The following SLC44A5 variants were observed in gnomAD, a reference collection of about 807,000 sequenced individuals.
SLC44A5 encodes choline transporter-like protein 5.
A neutral mutation model predicts 101.8 loss-of-function variants in SLC44A5; 57 were observed. The observed-to-expected ratio is 0.56, with a 90% CI of 0.45 to 0.70. SLC44A5 has a LOEUF of 0.70. Among genes scored for constraint, SLC44A5 ranks in the 30% least tolerant of loss-of-function variants. SLC44A5 has a pLI of 0.00. For synonymous variants in SLC44A5, 281 were observed against 290.9 expected, an observed-to-expected ratio of 0.97 and a Z score of 0.35; for missense variants, 737 against 853.1, an observed-to-expected ratio of 0.86 and a Z score of 1.70.
chr1:75,556,505 G>A (rs1487105761), intron 1 of SLC44A5, among the ~76,000 whole-genome samples: 2 of 152,004 alleles, frequency 1.3e-5, no homozygotes, highest in East Asian at 3.9e-4. Flanking sequence ...TCTGAGACAG[G>A]CACTTTGTTA....
chr1:75,617,063 G>A, the SLC44A5 span, among the ~76,000 whole-genome samples: 3 of 152,174 alleles, frequency 2.0e-5, no homozygotes, highest in African/African-American at 7.2e-5. Flanking sequence ...AAGGGCAGGC[G>A]AAAGTTTAAG....
intron 2 of SLC44A5, among the ~76,000 whole-genome samples, chr1:75,523,726 C>T (rs765027163): frequency 1.6e-4 from 25 of 152,200 alleles, no homozygotes; most frequent in Admixed American, 8.5e-4. Context: ...CAGTGGTTCA[C>T]GCTTGAGGCA....
At chr1:75,720,024 C>A in the SLC44A5 span, among the ~76,000 whole-genome samples, 4 of 152,302 alleles carry the variant, frequency 2.6e-5, no homozygotes, top group East Asian at 7.7e-4. Context: ...GATTTCCCCT[C>A]TCTCTATTGT....
At chr1:75,717,993 A>G in the SLC44A5 span, among the ~76,000 whole-genome samples, 1 of 152,228 alleles carries the variant, frequency 6.6e-6, no homozygotes, top group Admixed American at 6.5e-5. Flanking sequence ...TTTTCACCAG[A>G]GGCTTTTTTA....
At chr1:75,315,776 T>C (rs1655640516) in intron 4 of SLC44A5, among the ~76,000 whole-genome samples, 1 of 152,178 alleles carries the variant, frequency 6.6e-6, no homozygotes, top group African/African-American at 2.4e-5. Flanking sequence ...ACTACTTCTC[T>C]GTGAGGTCCC....
the SLC44A5 span, among the ~76,000 whole-genome samples, chr1:75,696,714 T>G: frequency 1.3e-5 from 2 of 151,100 alleles, no homozygotes; most frequent in African/African-American, 4.8e-5. Flanking sequence ...GCTAACATGG[T>G]GAAACCCCGT....
intron 6 of SLC44A5, among the ~76,000 whole-genome samples, chr1:75,253,500 A>C (rs1649754385): frequency 6.6e-6 from 1 of 152,234 alleles, no homozygotes; most frequent in South Asian, 2.1e-4. Context: ...GAAGCTGTTT[A>C]TAAATTAATA....
At chr1:75,684,120 G>A in the SLC44A5 span, among the ~76,000 whole-genome samples, 1 of 152,084 alleles carries the variant, frequency 6.6e-6, no homozygotes, top group African/African-American at 2.4e-5. Flanking sequence ...GAAGCGTAGG[G>A]GAACACTCAT....
In SLC44A5 at chr1:75,579,693, G is replaced by C. The variant is rs150638954; in HGVS notation, c.-70+31347C>G. ...TAAGATCTAGGAATGTTTTTGAATTGATAATGAAAAAAGGTTTCTCAATAG... is the reference window on the plus strand; with the variant it reads ...TAAGATCTAGGAATGTTTTTGAATTCATAATGAAAAAAGGTTTCTCAATAG... On this transcript the variant is annotated intron_variant, in intron 1 of 23. Coordinates refer to ENST00000370859, the MANE Select transcript of SLC44A5 (RefSeq NM_001130058.2). 5.1e-3 allele frequency among the ~76,000 whole-genome samples: 770 copies of C among 152,072 alleles called. 12 individuals carry two copies. Among genetic ancestry groups the C allele is most frequent in the South Asian group, 0.05 (241 of 4,816 alleles).
intron 3 of SLC44A5, among the ~76,000 whole-genome samples, chr1:75,349,586 C>T (rs1052393202): frequency 6.6e-6 from 1 of 152,092 alleles, no homozygotes; most frequent in Non-Finnish European, 1.5e-5. Flanking sequence ...CCAGCAGGCC[C>T]TCACTAAAAT....
chr1:75,611,955 T>C (rs778462712), upstream of SLC44A5, among the ~76,000 whole-genome samples: 11 of 152,046 alleles, frequency 7.2e-5, no homozygotes, highest in African/African-American at 2.7e-4. Flanking sequence ...ACCATTACAA[T>C]ATGTTTTTCC....
Position 75,378,819 on chromosome 1 carries a change from TAG to T in SLC44A5, c.52+17762_52+17763del, listed in dbSNP as rs1660784350. Among the ~76,000 whole-genome samples, 2 of 81,130 alleles carry T rather than the reference TAG, an allele frequency of 2.5e-5. 1 individual carries two copies. The allele number at this position is 81,130 out of a possible 152,430, so 53.2% of individuals were successfully genotyped here. On this transcript the variant is annotated intron_variant, in intron 3 of 23. Transcript: ENST00000370859. The stretch of plus-strand genomic sequence containing the variant: ...AAAGAAAATAAGACCCAACCGCCAG[TAG>T]CTTATCAATACTGGCCGCCGGCTGA...
At chr1:75,616,189 G>C in the SLC44A5 span, among the ~76,000 whole-genome samples, 1 of 151,642 alleles carries the variant, frequency 6.6e-6, no homozygotes. Context: ...GGCAGCGCTG[G>C]GTCCCCTGAG....
chr1:75,321,190 T>C, intron 4 of SLC44A5, among the ~76,000 whole-genome samples: 1 of 152,184 alleles, frequency 6.6e-6, no homozygotes, highest in Admixed American at 6.6e-5. Context: ...TTTATTGGCA[T>C]TTTGTCAGTT....
rs79462063 is a variant in SLC44A5, at chr1:75,333,536, G to T, written c.101+6046C>A. 8.2e-4 allele frequency among the ~76,000 whole-genome samples: 122 copies of T among 148,808 alleles called. 1 individual carries two copies. Among genetic ancestry groups the T allele is most frequent in the Non-Finnish European group, 1.3e-3 (91 of 67,562 alleles). ...ATTACGCAAATAACCTAAAAACTCT[G>T]TAGGCACCTTTAAATCAAGAGATTT... On this transcript the variant is annotated intron_variant, in intron 4 of 23. Transcript: ENST00000370859.
intron 18 of SLC44A5, among the ~76,000 whole-genome samples, chr1:75,217,007 T>C (rs1646974664): frequency 6.6e-6 from 1 of 152,120 alleles, no homozygotes; most frequent in Admixed American, 6.6e-5. Flanking sequence ...GGGTGTACTA[T>C]CTAAGAAATA....
intron 2 of SLC44A5, among the ~76,000 whole-genome samples, chr1:75,486,499 A>G (rs1044605883): frequency 9.8e-5 from 15 of 152,378 alleles, no homozygotes; most frequent in African/African-American, 3.6e-4. Flanking sequence ...AAACAAAAGA[A>G]ATGATTTATC....
Position 75,605,260 on chromosome 1 carries a change from A to T in SLC44A5, c.-70+5780T>A, listed in dbSNP as rs142152041. On this transcript the variant is annotated intron_variant, in intron 1 of 23. Coordinates refer to ENST00000370859, the MANE Select transcript of SLC44A5 (RefSeq NM_001130058.2). ...GTTTTAAATTTTTGATTCTACAAGA[A>T]AATTTTCATTCAACAAGCACTTAGG... 5.8e-3 allele frequency among the ~76,000 whole-genome samples: 884 copies of T among 152,228 alleles called. 8 individuals carry two copies. Among genetic ancestry groups the T allele is most frequent in the African/African-American group, 0.02 (843 of 41,554 alleles).
intron 1 of SLC44A5, among the ~76,000 whole-genome samples, chr1:75,556,365 ATATAT>A (rs1350802064): frequency 6.6e-6 from 1 of 152,154 alleles, no homozygotes; most frequent in African/African-American, 2.4e-5. Flanking sequence ...GATGAAAGAG[ATATAT>A]TATGTTATAG....
Sources: allele counts gnomAD v4.1 joint callset (sites outside exome capture counted in the v4.1 genomes callset), GRCh38; gene constraint gnomAD v4.1.1; transcripts MANE v1.5; gene names NCBI Gene and HGNC (gene_info 2026-07-23, HGNC 2026-07-21).